The following NFIC variants were observed in gnomAD, a reference collection of about 807,000 sequenced individuals.
NFIC encodes nuclear factor I C.
A neutral mutation model predicts 54.4 loss-of-function variants in NFIC; 12 were observed. The observed-to-expected ratio is 0.22, with a 90% CI of 0.14 to 0.36. NFIC has a LOEUF of 0.36. Among genes scored for constraint, NFIC ranks in the 10% least tolerant of loss-of-function variants. NFIC has a pLI of 1.00. For missense variants in NFIC, 575 were observed against 718.2 expected, an observed-to-expected ratio of 0.80 and a Z score of 2.28; for synonymous variants, 322 against 319.2, an observed-to-expected ratio of 1.01 and a Z score of -0.09.
intron 4 of NFIC, 75 bp downstream of exon 4, chr19:3,433,667 C>T: frequency 2.0e-6 from 3 of 1,473,864 alleles, no homozygotes; most frequent in South Asian, 2.3e-5. Flanking sequence ...GCCCACCCCC[C>T]TCACCCTACT....
intron 5 of NFIC, 64 bp from the exon 6 acceptor site, chr19:3,435,019 G>A: frequency 1.3e-6 from 2 of 1,485,182 alleles, no homozygotes. Flanking sequence ...AGCAAAGCCC[G>A]CCGTCGCGCC....
Position 3,463,270 on chromosome 19 carries a change from G to C in NFIC, c.*501G>C, listed in dbSNP as rs1234425981. The C allele has an allele frequency of 3.0e-6, 3 of 990,280 alleles. No individual in the cohort carries two copies. The highest frequency in any genetic ancestry group is 3.6e-6 in the Non-Finnish European group (3 of 833,668). 61.3% of individuals were successfully genotyped at this position (990,280 alleles called of 1,614,324 possible). A position where few individuals can be genotyped will look rare whatever the true frequency, so the allele number is the denominator to read the frequency against. On this transcript the variant is annotated 3_prime_UTR_variant, in exon 11 of 11. Coordinates refer to ENST00000443272, the MANE Select transcript of NFIC (RefSeq NM_001245002.2). ...ACACCCAGCAAGGCCACCTCTCCCCGGGCCCCCGCGCCTCTGCCGGACACG... is the reference window on the plus strand; with the variant it reads ...ACACCCAGCAAGGCCACCTCTCCCCCGGCCCCCGCGCCTCTGCCGGACACG...
intron 2 of NFIC, among the ~76,000 whole-genome samples, chr19:3,417,689 A>C (rs371249644): frequency 2.7e-4 from 38 of 143,176 alleles, no homozygotes; most frequent in African/African-American, 1.0e-3. Context: ...GCAGTGGCGC[A>C]ATCTCGGCTC....
At chr19:3,379,934 G>A (rs183768247) in intron 1 of NFIC, among the ~76,000 whole-genome samples, 8 of 149,958 alleles carry the variant, frequency 5.3e-5, no homozygotes, top group Admixed American at 5.3e-4. Context: ...CACCCACTGT[G>A]GCCTCCCAAA....
intron 3 of NFIC, among the ~76,000 whole-genome samples, chr19:3,425,441 G>GTTTGT (rs1004634871): frequency 6.6e-6 from 1 of 152,136 alleles, no homozygotes; most frequent in African/African-American, 2.4e-5. Flanking sequence ...GAGGGTTTTT[G>GTTTGT]TTTGTTTTGT....
chr19:3,380,672 C>T (rs1363226543), intron 1 of NFIC, among the ~76,000 whole-genome samples: 5 of 142,242 alleles, frequency 3.5e-5, no homozygotes, highest in African/African-American at 1.3e-4. Flanking sequence ...TGCTCTGTCG[C>T]CCAGGCTGGA....
intron 6 of NFIC, among the ~76,000 whole-genome samples, chr19:3,441,040 C>T (rs1291868759): frequency 1.3e-5 from 2 of 152,020 alleles, no homozygotes; most frequent in Non-Finnish European, 2.9e-5. Context: ...GTCTTAAACT[C>T]CTGGGCTCAT....
Position 3,452,693 on chromosome 19 carries a change from C to T in NFIC, c.1269+27C>T, listed in dbSNP as rs766499140. 2 of 1,566,326 alleles carry T rather than the reference C, an allele frequency of 1.3e-6. No homozygotes were observed. The highest frequency in any genetic ancestry group is 1.7e-6 in the Non-Finnish European group (2 of 1,158,538). ...TGAGTTGGGCGGGGCGCATTCGGGC[C>T]TCTCCTGGCGGCTCCAGGTGACCTC... On this transcript the variant is annotated intron_variant, in intron 8 of 10. Transcript: ENST00000443272. This position sits in a 1 kb window ranked among gnomAD's most constrained non-coding sequence, Gnocchi z 5.3.
intron 2 of NFIC, among the ~76,000 whole-genome samples, chr19:3,383,596 C>T (rs576869042): frequency 6.6e-6 from 1 of 152,168 alleles, no homozygotes; most frequent in Non-Finnish European, 1.5e-5. Flanking sequence ...TAGCCACGTG[C>T]GAGGTGTCAG....
intron 1 of NFIC, among the ~76,000 whole-genome samples, chr19:3,380,543 G>T (rs895806743): frequency 6.6e-6 from 1 of 150,622 alleles, no homozygotes; most frequent in South Asian, 2.1e-4. Flanking sequence ...TGGCCGGGCT[G>T]GTCTCAAGCT....
intron 6 of NFIC, among the ~76,000 whole-genome samples, chr19:3,439,019 C>G (rs1230970665): frequency 1.3e-5 from 2 of 152,066 alleles, no homozygotes; most frequent in African/African-American, 4.8e-5. Context: ...GCTCGGGCAA[C>G]TGGCTTCTCT....
rs2082674408 is a variant in NFIC at position 3,463,633 on chromosome 19, C to CCACCCCCGGCATAGGAGG, written c.*866_*883dup. The CCACCCCCGGCATAGGAGG allele has an allele frequency of 1.0e-6, 1 of 982,042 alleles. No homozygotes were observed. The highest frequency in any genetic ancestry group is 6.2e-5 in the Admixed American group (1 of 16,188). The allele number at this position is 982,042 out of a possible 1,614,324, so 60.8% of individuals were successfully genotyped here. Reference sequence around the variant, plus strand: ...CAATTGGCCCCGGCCCCTCCACCCCCCACCCCCGGCATAGGAGGCCCCCCC... The same window carrying CCACCCCCGGCATAGGAGG: ...CAATTGGCCCCGGCCCCTCCACCCCCCACCCCCGGCATAGGAGGCACCCCCGGCATAGGAGGCCCCCCC... On this transcript the variant is annotated 3_prime_UTR_variant, in exon 11 of 11. Transcript: ENST00000443272.
At chr19:3,406,180 C>G (rs1303976723) in intron 2 of NFIC, among the ~76,000 whole-genome samples, 10 of 152,180 alleles carry the variant, frequency 6.6e-5, no homozygotes, top group Admixed American at 6.5e-4. Flanking sequence ...GCAACCTCCA[C>G]CTCCCAGGTT....
At chr19:3,443,599 G>GGCAGAGGATCATGGGAC (rs994658746) in intron 6 of NFIC, among the ~76,000 whole-genome samples, 24 of 152,092 alleles carry the variant, frequency 1.6e-4, no homozygotes, top group Admixed American at 9.8e-4. Flanking sequence ...ACCTCTGCAG[G>GGCAGAGGATCATGGGAC]GCAGAGGATC....
At chr19:3,457,179 G>A (rs371236063) in intron 10 of NFIC, among the ~76,000 whole-genome samples, 10 of 152,164 alleles carry the variant, frequency 6.6e-5, no homozygotes, top group Admixed American at 3.9e-4. Flanking sequence ...GAGTCAGGGC[G>A]GAGAGGCTTC....
At chr19:3,460,918 A>G (rs1354898684) in intron 10 of NFIC, among the ~76,000 whole-genome samples, 2 of 150,846 alleles carry the variant, frequency 1.3e-5, no homozygotes, top group East Asian at 2.0e-4. Flanking sequence ...TGAGGTCAGG[A>G]GTTTGAGACC....
rs941584073 is a variant in NFIC, at chr19:3,463,368, C to A, written c.*599C>A. 3.0e-5 allele frequency: 30 copies of A among 986,066 alleles called. No homozygotes were observed. Among genetic ancestry groups the A allele is most frequent in the Middle Eastern group, 1.0e-3 (2 of 1,940 alleles). 61.1% of individuals were successfully genotyped at this position (986,066 alleles called of 1,614,324 possible). ...GGAGACACAGCGGACCCCGGCCGGG[C>A]AGCGGAGACCGCAGAGGCGGGCAGG... On this transcript the variant is annotated 3_prime_UTR_variant, in exon 11 of 11. Coordinates refer to ENST00000443272, the MANE Select transcript of NFIC (RefSeq NM_001245002.2).
chr19:3,417,918 G>A (rs1367901607), intron 2 of NFIC, among the ~76,000 whole-genome samples: 12 of 17,482 alleles, frequency 6.9e-4, no homozygotes, highest in African/African-American at 3.3e-3. Flanking sequence ...GATTACAGGC[G>A]TGATCCACCG....
At chr19:3,425,918 CTTTTTTTTTTTTT>C (rs869165549) in intron 3 of NFIC, among the ~76,000 whole-genome samples, 2 of 54,488 alleles carry the variant, frequency 3.7e-5, no homozygotes, top group Non-Finnish European at 6.3e-5. Flanking sequence ...CCATGCCTGG[CTTTTTTTTTTTTT>C]TTTTTTTTTT....
Sources: gnomAD v4.1 joint callset for allele counts (sites outside exome capture counted in the v4.1 genomes callset) on GRCh38, gnomAD v4.1.1 for gene constraint, Gnocchi (gnomAD v3.1) non-coding constraint, MANE v1.5 for transcripts, NCBI Gene and HGNC (gene_info 2026-07-23, HGNC 2026-07-21) for gene names.